Variants in TRIO observed in about 807,000 individuals in gnomAD.
TRIO encodes the protein triple functional domain protein.
In TRIO, 58 loss-of-function variants were observed where a neutral mutation model predicts 351.9. The observed-to-expected ratio is 0.16, with a 90% CI of 0.13 to 0.21. TRIO has a LOEUF of 0.21. Ranked by LOEUF, TRIO falls within the 10% of genes least tolerant of loss-of-function variation. The probability of loss-of-function intolerance (pLI) is 1.00; values close to 1 mark genes in which losing one functional copy is unlikely to be tolerated. For missense variants in TRIO, 3,201 were observed against 4,027.8 expected (o/e 0.79, Z 5.56); for synonymous variants, 1,758 against 1,595.7 (o/e 1.10, Z -2.42).
intron 34 of TRIO, among the ~76,000 whole-genome samples, chr5:14,433,701 A>C (rs1241558268): frequency 6.6e-6 from 1 of 152,224 alleles, no homozygotes; most frequent in Non-Finnish European, 1.5e-5. Flanking sequence ...AAATTTTATC[A>C]GTATTAATCA....
At chr5:14,272,803 C>T (rs918635241) in intron 2 of TRIO, among the ~76,000 whole-genome samples, 4 of 152,074 alleles carry the variant, frequency 2.6e-5, no homozygotes, top group African/African-American at 9.7e-5. Context: ...TTAGGCTTAT[C>T]GTTATCTCCT....
chr5:14,155,403 G>A (rs1222267142), intron 1 of TRIO, among the ~76,000 whole-genome samples: 1 of 152,152 alleles, frequency 6.6e-6, no homozygotes, highest in East Asian at 1.9e-4. Context: ...GTTTTGATAT[G>A]ATATCATGAT....
At chr5:14,160,459 G>T (rs1477758247) in intron 1 of TRIO, among the ~76,000 whole-genome samples, 1 of 152,170 alleles carries the variant, frequency 6.6e-6, no homozygotes, top group Non-Finnish European at 1.5e-5. Context: ...TTTATCCCTT[G>T]AGTAACGTCA....
chr5:14,471,358 G>A lies in TRIO; in HGVS notation c.5804G>A (p.Gly1935Glu). 3.1e-6 allele frequency: 5 copies of A among 1,614,102 alleles called. No homozygotes were observed. Among genetic ancestry groups the A allele is most frequent in the Non-Finnish European group, 4.2e-6 (5 of 1,180,010 alleles). The change falls in exon 38 of 57, where the codon GGA becomes GAA. Residue 1935 changes from glycine (G) to glutamate (E), a missense_variant. Physicochemically the swap from Gly to Glu is moderately conservative, Grantham distance 98 (BLOSUM62 -2). Transcript: ENST00000344204. Reference sequence around the variant, plus strand: ...CCCAGCTCACTCCTTGTTGACCAGGGAGATAGTAGCAGCCCTTCCTTCAAC... The same window carrying A: ...CCCAGCTCACTCCTTGTTGACCAGGAAGATAGTAGCAGCCCTTCCTTCAAC... ...DRPSSLLVDQ[G>E]DSSSPSFNPS... is the part of the protein sequence containing the mutation.
At chr5:14,430,534 C>T (rs1751009659) in intron 34 of TRIO, among the ~76,000 whole-genome samples, 1 of 152,104 alleles carries the variant, frequency 6.6e-6, no homozygotes, top group South Asian at 2.1e-4. Context: ...TTGCAAAGTT[C>T]TTCGTGAATC....
chr5:14,347,479 A>G (rs1374105982), intron 11 of TRIO, among the ~76,000 whole-genome samples: 1 of 152,184 alleles, frequency 6.6e-6, no homozygotes, highest in African/African-American at 2.4e-5. Flanking sequence ...CTTTTAACTG[A>G]CTCCACGTAA....
intron 40 of TRIO, among the ~76,000 whole-genome samples, chr5:14,475,537 A>G (rs977060644): frequency 5.9e-5 from 9 of 152,170 alleles, no homozygotes; most frequent in African/African-American, 2.2e-4. Context: ...AGAATGTAAA[A>G]CCTTTGAACC....
Position 14,406,685 on chromosome 5 carries a change from C to A in TRIO, c.4959+13C>A, listed in dbSNP as rs750517849. 6.2e-7 allele frequency: 1 copy of A among 1,612,872 alleles called. No individual in the cohort carries two copies. ...GGACAGCGATAAGGTGAGTCACTGC[C>A]GGCACTTTGTGTGCGGAGGGGAATG... is the stretch of plus-strand genomic sequence containing the variant. On this transcript the variant is annotated intron_variant, in intron 33 of 56. Coordinates refer to ENST00000344204, the MANE Select transcript of TRIO (RefSeq NM_007118.4).
In TRIO at chr5:14,497,095, C is replaced by A; in HGVS notation, c.8019+78C>A. 1 of 1,560,594 alleles carries A rather than the reference C, an allele frequency of 6.4e-7. No individual in the cohort carries two copies. Among genetic ancestry groups the A allele is most frequent in the Admixed American group, 1.9e-5 (1 of 52,412 alleles). On this transcript the variant is annotated intron_variant, in intron 50 of 56. Transcript: ENST00000344204. This position sits in a 1 kb window ranked among gnomAD's most constrained non-coding sequence, Gnocchi z 4.4. Reference sequence around the variant, plus strand: ...TCAGGGAGGGCAGAGACTCTGCAGACCTGAAGCTGGGCTTGCTTATGACCT... The same window carrying A: ...TCAGGGAGGGCAGAGACTCTGCAGAACTGAAGCTGGGCTTGCTTATGACCT...
At chr5:14,430,603 G>T (rs549910685) in intron 34 of TRIO, among the ~76,000 whole-genome samples, 1 of 152,190 alleles carries the variant, frequency 6.6e-6, no homozygotes, top group African/African-American at 2.4e-5. Flanking sequence ...GGCTCTCCTA[G>T]TGGGCCTTGG....
At chr5:14,495,829 G>A (rs541523147) in intron 49 of TRIO, among the ~76,000 whole-genome samples, 19 of 152,190 alleles carry the variant, frequency 1.2e-4, no homozygotes, top group East Asian at 9.7e-4. Flanking sequence ...ATAGCTGAGC[G>A]TAGTGGCAGG....
intron 11 of TRIO, among the ~76,000 whole-genome samples, chr5:14,340,078 T>C (rs1371835426): frequency 1.3e-5 from 2 of 152,136 alleles, no homozygotes; most frequent in Non-Finnish European, 2.9e-5. Context: ...CAATTAAAAA[T>C]TACATAGAAG....
At chr5:14,496,287 T>G (rs1274717028) in intron 49 of TRIO, among the ~76,000 whole-genome samples, 1 of 152,178 alleles carries the variant, frequency 6.6e-6, no homozygotes, top group Non-Finnish European at 1.5e-5. Context: ...CTAAAAGGTA[T>G]GCCTGTCTAG....
chr5:14,149,117 T>C (rs1285228493), intron 1 of TRIO, among the ~76,000 whole-genome samples: 1 of 152,146 alleles, frequency 6.6e-6, no homozygotes, highest in Non-Finnish European at 1.5e-5. Context: ...AGAGGAGTGG[T>C]CAGAGGCTTG....
At chr5:14,430,684 G>GTTTTATTTTATTTTATTTTA (rs375606260) in intron 34 of TRIO, among the ~76,000 whole-genome samples, 1 of 94,294 alleles carries the variant, frequency 1.1e-5, no homozygotes, top group Non-Finnish European at 2.7e-5. Context: ...AGTGAATTTC[G>GTTTTATTTTATTTTATTTTA]TTTTATTTTA....
intron 18 of TRIO, among the ~76,000 whole-genome samples, chr5:14,371,745 A>G (rs1458609178): frequency 6.6e-6 from 1 of 151,212 alleles, no homozygotes; most frequent in East Asian, 2.0e-4. Context: ...GGCTTAAGTG[A>G]TCATCCCACC....
At chr5:14,225,270 A>G (rs1027580971) in intron 1 of TRIO, among the ~76,000 whole-genome samples, 8 of 152,230 alleles carry the variant, frequency 5.3e-5, no homozygotes, top group Middle Eastern at 3.2e-3. Flanking sequence ...AGTAAAAAGC[A>G]GGTGGAGTTA....
intron 34 of TRIO, among the ~76,000 whole-genome samples, chr5:14,458,610 G>A (rs1313314949): frequency 2.0e-5 from 3 of 152,200 alleles, no homozygotes; most frequent in East Asian, 1.9e-4. Context: ...GTGGGAAATC[G>A]GGGGCTTGGC....
intron 11 of TRIO, among the ~76,000 whole-genome samples, chr5:14,353,683 G>T (rs759918135): frequency 4.6e-5 from 7 of 152,114 alleles, no homozygotes; most frequent in Non-Finnish European, 8.8e-5. Context: ...GTGCTTGAAC[G>T]CAAGCAGTCT....
Sources: allele counts gnomAD v4.1 joint callset (sites outside exome capture counted in the v4.1 genomes callset), GRCh38; gene constraint gnomAD v4.1.1; non-coding constraint Gnocchi (gnomAD v3.1); transcripts MANE v1.5; gene names NCBI Gene and HGNC (gene_info 2026-07-23, HGNC 2026-07-21).